RB1: variants seen among roughly 807,000 people sequenced by gnomAD.
RB1 encodes the protein RB transcriptional corepressor 1, also known as retinoblastoma-associated protein.
A neutral mutation model predicts 135.4 loss-of-function variants in RB1; 18 were observed. The ratio of observed to expected loss-of-function variants is 0.13; its 90% CI spans 0.09 to 0.20. The LOEUF is 0.20. Among genes scored for constraint, RB1 ranks in the 10% least tolerant of loss-of-function variants. The pLI is 1.00. For missense variants in RB1, 868 were observed against 1,110.0 expected, an observed-to-expected ratio of 0.78 and a Z score of 3.10; for synonymous variants, 365 against 373.2, an observed-to-expected ratio of 0.98 and a Z score of 0.25.
chr13:48,377,149 C>A (rs1952835111), intron 13 of RB1, 115 bp downstream of exon 13: 1 of 1,097,044 alleles, frequency 9.1e-7, no homozygotes, highest in East Asian at 2.4e-5. Flanking sequence ...AAAATACTGT[C>A]AGATACTATA....
chr13:48,327,182 AT>A lies in RB1; in HGVS notation c.265-15405del, dbSNP rs35106396. On this transcript the variant is annotated intron_variant, in intron 2 of 26. Coordinates refer to ENST00000267163, the MANE Select transcript of RB1 (RefSeq NM_000321.3). ...GTTTTCCATCTTCATACAATGTTAA[AT>A]TTTTTTTTTTTGGTGTTTATACCTT... 4.8e-4 allele frequency among the ~76,000 whole-genome samples: 71 copies of A among 149,334 alleles called. 1 individual carries two copies. The highest frequency in any genetic ancestry group is 1.0e-3 in the African/African-American group (42 of 40,568).
intron 17 of RB1, among the ~76,000 whole-genome samples, chr13:48,394,791 G>A (rs1948635187): frequency 1.3e-5 from 2 of 152,240 alleles, no homozygotes; most frequent in African/African-American, 2.4e-5. Flanking sequence ...GACAGAGCAC[G>A]TGGGGGAAGG....
intron 17 of RB1, among the ~76,000 whole-genome samples, chr13:48,417,604 T>C (rs959462257): frequency 2.0e-5 from 3 of 152,096 alleles, no homozygotes; most frequent in Non-Finnish European, 4.4e-5. Context: ...AAGGACCATG[T>C]TCTAACCCAA....
intron 23 of RB1, among the ~76,000 whole-genome samples, chr13:48,471,635 C>A (rs1949471347): frequency 6.7e-6 from 1 of 150,048 alleles, no homozygotes; most frequent in Admixed American, 6.6e-5. Context: ...TATCAGCTTT[C>A]CTGACTGTTA....
intron 4 of RB1, among the ~76,000 whole-genome samples, chr13:48,345,852 A>G (rs1284572247): frequency 6.6e-6 from 1 of 152,146 alleles, no homozygotes; most frequent in Non-Finnish European, 1.5e-5. Context: ...TAGCATGGTA[A>G]AGGGAGAAGG....
intron 17 of RB1, among the ~76,000 whole-genome samples, chr13:48,425,945 G>A (rs1001409670): frequency 1.4e-4 from 21 of 152,266 alleles, no homozygotes; most frequent in Admixed American, 1.2e-3. Flanking sequence ...GGAGAATGAC[G>A]AAGTCAAAAC....
At chr13:48,418,300 G>A (rs1296634095) in intron 17 of RB1, among the ~76,000 whole-genome samples, 1 of 152,102 alleles carries the variant, frequency 6.6e-6, no homozygotes, top group African/African-American at 2.4e-5. Context: ...AAGTGAATGA[G>A]AAATAAAATC....
chr13:48,353,833 A>G (rs1450043365), intron 6 of RB1, among the ~76,000 whole-genome samples: 2 of 152,188 alleles, frequency 1.3e-5, no homozygotes, highest in Non-Finnish European at 2.9e-5. Flanking sequence ...AATGAAGGAC[A>G]AAAATCATAT....
At chr13:48,432,803 A>C (rs1220738507) in intron 17 of RB1, among the ~76,000 whole-genome samples, 2 of 152,118 alleles carry the variant, frequency 1.3e-5, no homozygotes, top group African/African-American at 4.8e-5. Flanking sequence ...TATAGGAGAG[A>C]TATTACTATT....
chr13:48,390,087 C>T (rs561416338), intron 17 of RB1, among the ~76,000 whole-genome samples: 60 of 152,154 alleles, frequency 3.9e-4, no homozygotes, highest in Middle Eastern at 3.4e-3. Flanking sequence ...GTTAAGGCTG[C>T]AGTGAGCTGT....
At chr13:48,448,539 AC>A (rs981957781) in intron 17 of RB1, among the ~76,000 whole-genome samples, 1 of 152,140 alleles carries the variant, frequency 6.6e-6, no homozygotes. Context: ...AAATTGTTAA[AC>A]TTTTGCAGTG....
Position 48,459,889 on chromosome 13 carries a change from C to CT in RB1, c.2106+59dup, listed in dbSNP as rs1949386717. ...CTCCCTACTTACTTGTTAACTGATTCTTTCTTTCTTTCTTTCTTTCTTTCT... is the reference window on the plus strand; with the variant it reads ...CTCCCTACTTACTTGTTAACTGATTCTTTTCTTTCTTTCTTTCTTTCTTTCT... On this transcript the variant is annotated intron_variant, in intron 20 of 26. Transcript: ENST00000267163. The CT allele has an allele frequency of 2.9e-4, 74 of 251,990 alleles. 16 individuals carry two copies. The highest frequency in any genetic ancestry group is 1.5e-3 in the Middle Eastern group (2 of 1,368). The allele number at this position is 251,990 out of a possible 1,614,324, so 15.6% of individuals were successfully genotyped here.
Position 48,417,510 on chromosome 13 carries a change from A to G in RB1, c.1696-35483A>G, listed in dbSNP as rs540368548. On this transcript the variant is annotated intron_variant, in intron 17 of 26. Transcript: ENST00000267163. ...AAGGCTGACAATTCCAAAAACCAGA[A>G]TGCCTTTTCTCTTCCAAAGAATCAC... Among the ~76,000 whole-genome samples, 30 of 152,274 alleles carry G rather than the reference A, an allele frequency of 2.0e-4. No homozygotes were observed. The East Asian group carries it at 5.4e-3, about 27-fold the overall frequency.
chr13:48,463,510 C>G (rs1949418147), intron 20 of RB1, among the ~76,000 whole-genome samples: 1 of 152,206 alleles, frequency 6.6e-6, no homozygotes, highest in African/African-American at 2.4e-5. Context: ...ACCAGGTGAT[C>G]AGTCCTGAAT....
At chr13:48,318,801 TG>T in intron 2 of RB1, 1 of 847,704 alleles carries the variant, frequency 1.2e-6, no homozygotes, top group East Asian at 2.7e-5. Context: ...AAGTGGGCCC[TG>T]GGCAGCCTGC....
chr13:48,318,516 C>G, intron 2 of RB1: 1 of 1,014,362 alleles, frequency 9.9e-7, no homozygotes, highest in Non-Finnish European at 1.4e-6. Context: ...GCGAGTGTCG[C>G]CGGGCCCCTT....
chr13:48,458,331 G>A (rs149258747), intron 19 of RB1, among the ~76,000 whole-genome samples: 1 of 152,250 alleles, frequency 6.6e-6, no homozygotes, highest in Non-Finnish European at 1.5e-5. Flanking sequence ...TTGAGTGTCT[G>A]TGCATGCGTA....
chr13:48,373,191 A>T (rs1406936482), intron 11 of RB1, among the ~76,000 whole-genome samples: 1 of 152,146 alleles, frequency 6.6e-6, no homozygotes, highest in Non-Finnish European at 1.5e-5. Flanking sequence ...CTGTTCTATA[A>T]CTATAAACTT....
At chr13:48,372,191 G>A (rs1448702026) in intron 11 of RB1, among the ~76,000 whole-genome samples, 1 of 152,066 alleles carries the variant, frequency 6.6e-6, no homozygotes, top group Non-Finnish European at 1.5e-5. Context: ...GAGGGAGGGA[G>A]TTTCATTAAG....
Sources: gnomAD v4.1 joint callset for allele counts (sites outside exome capture counted in the v4.1 genomes callset) on GRCh38, gnomAD v4.1.1 for gene constraint, MANE v1.5 for transcripts, NCBI Gene and HGNC (gene_info 2026-07-23, HGNC 2026-07-21) for gene names.